The following P2RY13 variants were observed in gnomAD, a reference collection of about 807,000 sequenced individuals.
P2RY13 encodes the protein purinergic receptor P2Y13.
For synonymous variants in P2RY13, 150 were observed against 155.1 expected (o/e 0.97, Z 0.24); for missense variants, 412 against 418.4 (o/e 0.98, Z 0.13).
At position 151,328,561 on chromosome 3, in the gene P2RY13, G is replaced by A. The variant is rs1162507797; in HGVS notation, c.495C>T (p.Ile165=). The A allele has an allele frequency of 1.2e-6, 2 of 1,613,604 alleles. No individual in the cohort carries two copies. Among genetic ancestry groups the A allele is most frequent in the East Asian group, 4.5e-5 (2 of 44,878 alleles). The change falls in exon 2 of 2, where the codon ATC becomes ATT. Residue 165 remains isoleucine, a synonymous_variant. Transcript: ENST00000325602. ...KKPVFAKTVS[I]FIWFFLFFIS... ...TGAAGAACAAAAAGAACCAGATGAA[G>A]ATTGAGACCGTTTTTGCAAAAACAG...
rs141189011 is a variant in P2RY13, at chr3:151,327,674, T to A, written c.*317A>T. The stretch of plus-strand genomic sequence containing the variant: ...AGAAGGTGTTTGGAGGGGAGGTTTG[T>A]AGGGATATACGTTTCTCCTTAGTCT... On this transcript the variant is annotated 3_prime_UTR_variant, in exon 2 of 2. Coordinates refer to ENST00000325602, the MANE Select transcript of P2RY13 (RefSeq NM_176894.3). 1 of 192,690 alleles carries A rather than the reference T, an allele frequency of 5.2e-6. No individual in the cohort carries two copies. Among genetic ancestry groups the A allele is most frequent in the Non-Finnish European group, 1.0e-5 (1 of 96,302 alleles). 11.9% of individuals were successfully genotyped at this position (192,690 alleles called of 1,614,324 possible).
Position 151,328,086 on chromosome 3 carries a change from AT to A in P2RY13, c.969del (p.Lys323AsnfsTer29), listed in dbSNP as rs748310083. ...DPLIYIFLCK[K>X]FTEKLPCMQG... The stretch of plus-strand genomic sequence containing the variant: ...TGCATACATGGTAGCTTTTCTGTGA[AT>A]TTTTTACATAAGAATATGTATATTA... On this transcript the variant is annotated frameshift_variant, in exon 2 of 2. Coordinates refer to ENST00000325602, the MANE Select transcript of P2RY13 (RefSeq NM_176894.3). LOFTEE classifies it low-confidence loss of function (END_TRUNC). 1 of 1,609,834 alleles carries A rather than the reference AT, an allele frequency of 6.2e-7. No homozygotes were observed. The highest frequency in any genetic ancestry group is 1.1e-5 in the South Asian group (1 of 89,908).
At position 151,328,453 on chromosome 3, in the gene P2RY13, C is replaced by T; in HGVS notation, c.603G>A (p.Leu201=). 1 of 1,613,870 alleles carries T rather than the reference C, an allele frequency of 6.2e-7. No individual in the cohort carries two copies. The highest frequency in any genetic ancestry group is 1.3e-5 in the African/African-American group (1 of 75,040). Residue 201 remains leucine, a synonymous_variant, in exon 2 of 2, where the codon CTG becomes CTA. Transcript: ENST00000325602. ...VKKCASLKGP[L]GLKWHQMVNN... is the part of the protein sequence containing the mutation. ...TTACCATTTGATGCCATTTCAGCCCCAGAGGCCCCTTTAAGGAAGCACACT... is the reference window on the plus strand; with the variant it reads ...TTACCATTTGATGCCATTTCAGCCCTAGAGGCCCCTTTAAGGAAGCACACT...
rs959533548 is a variant in P2RY13 at position 151,327,871 on chromosome 3, A to C, written c.*120T>G. On this transcript the variant is annotated 3_prime_UTR_variant, in exon 2 of 2. Transcript: ENST00000325602. ...AAATTTTATATAATCTTTTCTGTAC[A>C]CGAGGATAATAAAATGTAAGAGAGC... is the stretch of plus-strand genomic sequence containing the variant. 9 of 723,284 alleles carry C rather than the reference A, an allele frequency of 1.2e-5. No homozygotes were observed. Among genetic ancestry groups the C allele is most frequent in the African/African-American group, 1.1e-4 (6 of 56,400 alleles). 44.8% of individuals were successfully genotyped at this position (723,284 alleles called of 1,614,324 possible).
rs1749788391 is a variant in P2RY13, at chr3:151,327,624, T to C, written c.*367A>G. 1 of 160,684 alleles carries C rather than the reference T, an allele frequency of 6.2e-6. No homozygotes were observed. Among genetic ancestry groups the C allele is most frequent in the Non-Finnish European group, 1.3e-5 (1 of 74,136 alleles). The allele number at this position is 160,684 out of a possible 1,614,324, so 10.0% of individuals were successfully genotyped here. A position where few individuals can be genotyped will look rare whatever the true frequency, so the allele number is the denominator to read the frequency against. On this transcript the variant is annotated 3_prime_UTR_variant, in exon 2 of 2. Transcript: ENST00000325602. ...TTAAGGGGCACAAAAGCAGTAGTGTTATGTGAATTGTGGAAAAGAATGTGA... is the reference window on the plus strand; with the variant it reads ...TTAAGGGGCACAAAAGCAGTAGTGTCATGTGAATTGTGGAAAAGAATGTGA...
chr3:151,329,381 CTA>C (rs1750087214), intron 1 of P2RY13, 98 bp downstream of exon 1: 1 of 680,254 alleles, frequency 1.5e-6, no homozygotes, highest in Admixed American at 3.0e-5. Context: ...TGCTCATAAA[CTA>C]TGGTTTGTAG....
intron 1 of P2RY13, 53 bp downstream of exon 1, chr3:151,329,428 C>A: frequency 1.8e-6 from 2 of 1,127,362 alleles, no homozygotes; most frequent in Non-Finnish European, 2.6e-6. Context: ...TTCCCTTAAG[C>A]ATATTCTTTT....
At chr3:151,329,229 C>T (rs1185826335) in intron 1 of P2RY13, among the ~76,000 whole-genome samples, 1 of 152,168 alleles carries the variant, frequency 6.6e-6, no homozygotes, top group Non-Finnish European at 1.5e-5. Context: ...CCATTACTTT[C>T]ACATCCTTGT....
chr3:151,327,568 G>GA lies in P2RY13; in HGVS notation c.*422_*423insT, dbSNP rs1749779040. 6.8e-6 allele frequency: 1 copy of GA among 147,944 alleles called. No individual in the cohort carries two copies. The allele number at this position is 147,944 out of a possible 1,614,324, so 9.2% of individuals were successfully genotyped here. On this transcript the variant is annotated 3_prime_UTR_variant, in exon 2 of 2. Transcript: ENST00000325602. Reference sequence around the variant, plus strand: ...CAGCAATGGACTTCAAGAGTTGGGCGTTTTTTTTTTCTTTCAGCACATATC... The same window carrying GA: ...CAGCAATGGACTTCAAGAGTTGGGCGATTTTTTTTTTCTTTCAGCACATATC...
At position 151,328,749 on chromosome 3, in the gene P2RY13, CAGAG is replaced by C; in HGVS notation, c.303_306del (p.Ser102ThrfsTer19). 1 of 1,613,918 alleles carries C rather than the reference CAGAG, an allele frequency of 6.2e-7. No homozygotes were observed. Among genetic ancestry groups the C allele is most frequent in the Non-Finnish European group, 8.5e-7 (1 of 1,179,932 alleles). ...AGCTGCCAGGGTGCCAGGTGTGAGT[CAGAG>C]AGGATTTTGAAAGGAAGCATGAGTG... On this transcript the variant is annotated frameshift_variant, in exon 2 of 2. Transcript: ENST00000325602. LOFTEE classifies it low-confidence loss of function (END_TRUNC).
rs909238531 is a variant in P2RY13 at position 151,327,910 on chromosome 3, T to A, written c.*81A>T. The stretch of plus-strand genomic sequence containing the variant: ...ATGTAAGAGAGCATTTGTTCCAATC[T>A]TTTTTTCTTGGTTAAATTTGATTTC... On this transcript the variant is annotated 3_prime_UTR_variant, in exon 2 of 2. Coordinates refer to ENST00000325602, the MANE Select transcript of P2RY13 (RefSeq NM_176894.3). 5 of 1,033,434 alleles carry A rather than the reference T, an allele frequency of 4.8e-6. No homozygotes were observed. In the African/African-American group the frequency reaches 8.0e-5, roughly 17 times the overall value. The allele number at this position is 1,033,434 out of a possible 1,614,324, so 64.0% of individuals were successfully genotyped here.
rs1749883581 is a variant in P2RY13 at position 151,328,194 on chromosome 3, C to T, written c.862G>A (p.Asp288Asn). The change falls in exon 2 of 2, where the codon GAC becomes AAC. Residue 288 changes from aspartate (D) to asparagine (N), a missense_variant. By Grantham distance (23) the Asp-to-Asn change is conservative. Coordinates refer to ENST00000325602, the MANE Select transcript of P2RY13 (RefSeq NM_176894.3). ...YTHSQTNNKT[D>N]CRLQNQLFIA... ...AACAGTTGATTTTGCAGTCTACAGTCAGTCTTATTGTTGGTTTGACTGTGA... is the reference window on the plus strand; with the variant it reads ...AACAGTTGATTTTGCAGTCTACAGTTAGTCTTATTGTTGGTTTGACTGTGA... 3 of 1,612,926 alleles carry T rather than the reference C, an allele frequency of 1.9e-6. No homozygotes were observed. Among genetic ancestry groups the T allele is most frequent in the Non-Finnish European group, 2.5e-6 (3 of 1,179,570 alleles).
At position 151,327,518 on chromosome 3, in the gene P2RY13, C is replaced by T. The variant is rs896144428; in HGVS notation, c.*473G>A. 3.3e-5 allele frequency: 5 copies of T among 151,908 alleles called. No homozygotes were observed. The highest frequency in any genetic ancestry group is 1.2e-4 in the African/African-American group (5 of 41,334). The allele number at this position is 151,908 out of a possible 1,614,324, so 9.4% of individuals were successfully genotyped here. A position where few individuals can be genotyped will look rare whatever the true frequency, so the allele number is the denominator to read the frequency against. On this transcript the variant is annotated 3_prime_UTR_variant, in exon 2 of 2. Coordinates refer to ENST00000325602, the MANE Select transcript of P2RY13 (RefSeq NM_176894.3). ...TCCTCAGACTCTTCAAGTCTGCATC[C>T]CTTTCAACCCCTGGCTGCAGTTTTC...
chr3:151,327,596 C>A lies in P2RY13; in HGVS notation c.*395G>T. On this transcript the variant is annotated 3_prime_UTR_variant, in exon 2 of 2. Transcript: ENST00000325602. ...TTTTTTTTCTTTCAGCACATATCTA[C>A]ATTTAAGGGGCACAAAAGCAGTAGT... 1.3e-5 allele frequency: 2 copies of A among 151,718 alleles called. No individual in the cohort carries two copies. The highest frequency in any genetic ancestry group is 2.9e-5 in the Non-Finnish European group (2 of 68,554). The allele number at this position is 151,718 out of a possible 1,614,324, so 9.4% of individuals were successfully genotyped here.
rs1749776793 is a variant in P2RY13, at chr3:151,327,558, A to G, written c.*433T>C. Reference sequence around the variant, plus strand: ...CTGCAGTTTTCAGCAATGGACTTCAAGAGTTGGGCGTTTTTTTTTTCTTTC... The same window carrying G: ...CTGCAGTTTTCAGCAATGGACTTCAGGAGTTGGGCGTTTTTTTTTTCTTTC... On this transcript the variant is annotated 3_prime_UTR_variant, in exon 2 of 2. Coordinates refer to ENST00000325602, the MANE Select transcript of P2RY13 (RefSeq NM_176894.3). 6.6e-6 allele frequency: 1 copy of G among 152,398 alleles called. No individual in the cohort carries two copies. Among genetic ancestry groups the G allele is most frequent in the Non-Finnish European group, 1.5e-5 (1 of 68,370 alleles). 9.4% of individuals were successfully genotyped at this position (152,398 alleles called of 1,614,324 possible).
At position 151,328,520 on chromosome 3, in the gene P2RY13, G is replaced by A. The variant is rs1466684; in HGVS notation, c.536C>T (p.Thr179Met). ...FFLFFISLPN[T>M]ILSNKEATPS... ...TGTTGCTTCCTTGTTGCTCAAGATCGTATTTGGCAGGGAGATGAAGAACAA... is the reference window on the plus strand; with the variant it reads ...TGTTGCTTCCTTGTTGCTCAAGATCATATTTGGCAGGGAGATGAAGAACAA... The change falls in exon 2 of 2, where the codon ACG becomes ATG. Residue 179 changes from threonine (T) to methionine (M), a missense_variant. Thr to Met is a moderately conservative substitution (Grantham distance 81). Transcript: ENST00000325602. 0.84 allele frequency: 1,358,404 copies of A among 1,613,500 alleles called. 573,196 individuals carry two copies. Among genetic ancestry groups the A allele is most frequent in the African/African-American group, 0.95 (71,604 of 74,982 alleles).
At position 151,328,988 on chromosome 3, in the gene P2RY13, T is replaced by G. The variant is rs776306831; in HGVS notation, c.68A>C (p.Asn23Thr). 3.7e-6 allele frequency: 6 copies of G among 1,600,034 alleles called. No homozygotes were observed. The highest frequency in any genetic ancestry group is 4.5e-5 in the East Asian group (2 of 44,694). ...GTTGAAGCCTTGCATCACTGTGGTG[T>G]TCATTGCTTCCAGTGTCACCTGTTA... ...ILPKVTLEAM[N>T]TTVMQGFNRS... The change falls in exon 2 of 2, where the codon AAC becomes ACC. Residue 23 changes from asparagine to threonine, a missense_variant. Asn to Thr is a moderately conservative substitution (Grantham distance 65). Coordinates refer to ENST00000325602, the MANE Select transcript of P2RY13 (RefSeq NM_176894.3).
At chr3:151,329,337 T>C (rs1750083251) in intron 1 of P2RY13, 144 bp downstream of exon 1, 2 of 599,164 alleles carry the variant, frequency 3.3e-6, no homozygotes, top group Non-Finnish European at 6.0e-6. Flanking sequence ...TTATTACTAA[T>C]ACATCAGATT....
chr3:151,328,741 G>A lies in P2RY13; in HGVS notation c.315C>T (p.His105=), dbSNP rs1437442571. 2 of 1,613,940 alleles carry A rather than the reference G, an allele frequency of 1.2e-6. No homozygotes were observed. The highest frequency in any genetic ancestry group is 1.7e-6 in the Non-Finnish European group (2 of 1,179,970). ...MLPFKILSDS[H]LAPWQLRAFV... ...AAGCTCTGAGCTGCCAGGGTGCCAG[G>A]TGTGAGTCAGAGAGGATTTTGAAAG... The change falls in exon 2 of 2, where the codon CAC becomes CAT. Residue 105 remains histidine, a synonymous_variant. Coordinates refer to ENST00000325602, the MANE Select transcript of P2RY13 (RefSeq NM_176894.3).
Sources: allele counts gnomAD v4.1 joint callset (sites outside exome capture counted in the v4.1 genomes callset), GRCh38; gene constraint gnomAD v4.1.1; transcripts MANE v1.5; gene names NCBI Gene and HGNC (gene_info 2026-07-23, HGNC 2026-07-21).